Variants in PPM1H observed in about 807,000 individuals in gnomAD.
PPM1H encodes protein phosphatase 1H.
PPM1H carries 27 observed loss-of-function variants against 54.9 expected under a neutral mutation model. The observed-to-expected ratio is 0.49, with a 90% CI of 0.36 to 0.68. The LOEUF (loss-of-function observed/expected upper bound fraction) is 0.68, where lower values mean the gene tolerates loss of function less well. PPM1H is among the 30% of genes least tolerant of loss of function. The pLI, the probability that PPM1H is intolerant of heterozygous loss-of-function variation, is 0.00. For missense variants in PPM1H, 596 were observed against 667.8 expected (o/e 0.89, Z 1.19); for synonymous variants, 305 against 270.8 (o/e 1.13, Z -1.24).
intron 1 of PPM1H, among the ~76,000 whole-genome samples, chr12:62,836,682 G>C (rs1868512590): frequency 6.6e-6 from 1 of 152,062 alleles, no homozygotes; most frequent in South Asian, 2.1e-4. Flanking sequence ...AAACACATGG[G>C]TAATTTTGAA....
At chr12:62,902,075 C>G (rs1416614238) in intron 1 of PPM1H, among the ~76,000 whole-genome samples, 1 of 152,072 alleles carries the variant, frequency 6.6e-6, no homozygotes, top group Non-Finnish European at 1.5e-5. Flanking sequence ...AAAATAAAAG[C>G]TTTTTGGCCA....
At chr12:62,889,436 T>C (rs1870706445) in intron 1 of PPM1H, among the ~76,000 whole-genome samples, 1 of 152,164 alleles carries the variant, frequency 6.6e-6, no homozygotes, top group Non-Finnish European at 1.5e-5. Flanking sequence ...GGCGAGAGAT[T>C]ACTTGAGCCC....
In PPM1H at chr12:62,788,219, T is replaced by C; in HGVS notation, c.869+7A>G. The C allele has an allele frequency of 6.5e-7, 1 of 1,548,824 alleles. No homozygotes were observed. Among genetic ancestry groups the C allele is most frequent in the Non-Finnish European group, 8.8e-7 (1 of 1,132,184 alleles). On this transcript the variant is annotated splice_region_variant and intron_variant, in intron 4 of 9. Coordinates refer to ENST00000228705, the MANE Select transcript of PPM1H (RefSeq NM_020700.2). ...ATTAGCAAGAATCAGACAGCTCATC[T>C]GCTTACCTGCTATCCCCAGCATTTG...
chr12:62,925,494 C>A (rs117945789), intron 1 of PPM1H, among the ~76,000 whole-genome samples: 3,414 of 152,306 alleles, frequency 0.022, 35 homozygotes, highest in Non-Finnish European at 0.028. Flanking sequence ...ATGAGAATTG[C>A]TGGAACTGGG....
At chr12:62,728,161 T>A (rs946386086) in intron 5 of PPM1H, among the ~76,000 whole-genome samples, 1 of 152,176 alleles carries the variant, frequency 6.6e-6, no homozygotes, top group Non-Finnish European at 1.5e-5. Flanking sequence ...AAAAGCTTGA[T>A]AACCTCTGCC....
At chr12:62,781,945 T>C (rs924066523) in intron 4 of PPM1H, among the ~76,000 whole-genome samples, 5 of 152,110 alleles carry the variant, frequency 3.3e-5, no homozygotes, top group Admixed American at 6.6e-5. Context: ...ACTAAAAAGA[T>C]GGGGAGGGGG....
chr12:62,648,217 T>C lies in PPM1H; in HGVS notation c.*272A>G. 1 of 371,220 alleles carries C rather than the reference T, an allele frequency of 2.7e-6. No individual in the cohort carries two copies. The highest frequency in any genetic ancestry group is 4.2e-5 in the South Asian group (1 of 24,028). The allele number at this position is 371,220 out of a possible 1,614,324, so 23.0% of individuals were successfully genotyped here. On this transcript the variant is annotated 3_prime_UTR_variant, in exon 10 of 10. Transcript: ENST00000228705. ...TGACATATATACCCCAAATAGTCAA[T>C]GGCCACCTCGGAGGCCTATGAAAGG...
intron 7 of PPM1H, among the ~76,000 whole-genome samples, chr12:62,690,169 G>C (rs1301638784): frequency 6.6e-6 from 1 of 151,998 alleles, no homozygotes; most frequent in African/African-American, 2.4e-5. Context: ...CAATAGGATT[G>C]ATCGATCCAT....
intron 1 of PPM1H, among the ~76,000 whole-genome samples, chr12:62,851,445 G>A (rs1420950146): frequency 6.6e-6 from 1 of 152,226 alleles, no homozygotes; most frequent in Non-Finnish European, 1.5e-5. Flanking sequence ...GCTCACGCCT[G>A]TAATCCCAAC....
chr12:62,824,061 AC>A (rs1293900986), intron 2 of PPM1H, among the ~76,000 whole-genome samples: 3 of 150,928 alleles, frequency 2.0e-5, no homozygotes, highest in African/African-American at 7.3e-5. Context: ...GTCTCAGGAT[AC>A]AAAATCAATG....
At chr12:62,826,943 A>G (rs78433937) in intron 2 of PPM1H, among the ~76,000 whole-genome samples, 2,627 of 152,168 alleles carry the variant, frequency 0.017, 82 homozygotes, top group African/African-American at 0.06. Context: ...CATGCCATAG[A>G]TACCTTCCCT....
chr12:62,742,971 A>T (rs1171013440), intron 4 of PPM1H, among the ~76,000 whole-genome samples: 2 of 152,200 alleles, frequency 1.3e-5, no homozygotes, highest in Non-Finnish European at 1.5e-5. Context: ...GTTATTTGCG[A>T]TACAATGAAC....
Position 62,673,715 on chromosome 12 carries a change from C to CTTTTTTTTTTTTT in PPM1H, c.1246-6399_1246-6387dup, listed in dbSNP as rs567775927. Among the ~76,000 whole-genome samples the CTTTTTTTTTTTTT allele has an allele frequency of 2.2e-3, 94 of 41,968 alleles. 21 individuals are homozygous for CTTTTTTTTTTTTT. Among genetic ancestry groups the CTTTTTTTTTTTTT allele is most frequent in the East Asian group, 5.4e-3 (8 of 1,486 alleles). 27.5% of individuals were successfully genotyped at this position (41,968 alleles called of 152,430 possible). A position where few individuals can be genotyped will look rare whatever the true frequency, so the allele number is the denominator to read the frequency against. ...GCTTTGTGACTTGAGAAGAGCCACTCTTTTTTTTTTTTTTTTTTTTTTTTT... is the reference window on the plus strand; with the variant it reads ...GCTTTGTGACTTGAGAAGAGCCACTCTTTTTTTTTTTTTTTTTTTTTTTTTTTTTTTTTTTTTT... On this transcript the variant is annotated intron_variant, in intron 8 of 9. Transcript: ENST00000228705.
In PPM1H at chr12:62,771,295, GACACACACACACAC is replaced by G. The variant is rs4026219; in HGVS notation, c.869+16917_869+16930del. Among the ~76,000 whole-genome samples the G allele has an allele frequency of 6.0e-4, 79 of 131,968 alleles. 1 individual carries two copies. The South Asian group carries it at 7.0e-3, about 12-fold the overall frequency. The allele number at this position is 131,968 out of a possible 152,430, so 86.6% of individuals were successfully genotyped here. ...AAATTATCATTATAAACTTTGTGAA[GACACACACACACAC>G]ACACACACACACACACACACACACA... On this transcript the variant is annotated intron_variant, in intron 4 of 9. Coordinates refer to ENST00000228705, the MANE Select transcript of PPM1H (RefSeq NM_020700.2).
chr12:62,808,518 G>A (rs1294911947), intron 2 of PPM1H, among the ~76,000 whole-genome samples: 2 of 152,062 alleles, frequency 1.3e-5, no homozygotes, highest in African/African-American at 4.8e-5. Flanking sequence ...CTAACAGCCT[G>A]CTCTGTGGGC....
chr12:62,924,181 C>G (rs17098581), intron 1 of PPM1H, among the ~76,000 whole-genome samples: 8,291 of 152,130 alleles, frequency 0.054, 264 homozygotes, highest in Middle Eastern at 0.095. Flanking sequence ...GTTCAATGAC[C>G]CCATTTTGTA....
chr12:62,765,401 T>A (rs1486083666), intron 4 of PPM1H, among the ~76,000 whole-genome samples: 4 of 152,208 alleles, frequency 2.6e-5, no homozygotes, highest in African/African-American at 9.6e-5. Context: ...GTGCACCCAC[T>A]GTTAATGATG....
intron 1 of PPM1H, among the ~76,000 whole-genome samples, chr12:62,912,414 A>G (rs1282803441): frequency 1.3e-5 from 2 of 152,112 alleles, no homozygotes; most frequent in East Asian, 1.9e-4. Flanking sequence ...TTCTCTCAGG[A>G]AGGACAGGGC....
At chr12:62,745,044 A>T (rs1276970833) in intron 4 of PPM1H, among the ~76,000 whole-genome samples, 3 of 152,202 alleles carry the variant, frequency 2.0e-5, no homozygotes, top group Non-Finnish European at 4.4e-5. Context: ...GGACTACTGC[A>T]GTAAGAGAAG....
Sources: allele counts gnomAD v4.1 joint callset (sites outside exome capture counted in the v4.1 genomes callset), GRCh38; gene constraint gnomAD v4.1.1; transcripts MANE v1.5; gene names NCBI Gene and HGNC (gene_info 2026-07-23, HGNC 2026-07-21).